The following CNTN4 variants were observed in gnomAD, a reference collection of about 807,000 sequenced individuals.
CNTN4 encodes contactin-4.
In CNTN4, 77 loss-of-function variants were observed where a neutral mutation model predicts 122.5. The observed-to-expected ratio is 0.63, with a 90% confidence interval of 0.52 to 0.76. The LOEUF is 0.76. Among genes scored for constraint, CNTN4 ranks in the 30% least tolerant of loss-of-function variants. The pLI is 0.00. For missense variants in CNTN4, 1,256 were observed against 1,259.1 expected (o/e 1.00, Z 0.04); for synonymous variants, 512 against 447.0 (o/e 1.15, Z -1.83).
At chr3:2,908,377 A>C (rs1027695256) in intron 12 of CNTN4, among the ~76,000 whole-genome samples, 3 of 152,196 alleles carry the variant, frequency 2.0e-5, no homozygotes, top group African/African-American at 7.2e-5. Context: ...TTGGGTAAAT[A>C]TAGAGGATAG....
At chr3:2,296,315 G>C (rs533063872) in intron 2 of CNTN4, among the ~76,000 whole-genome samples, 67 of 152,242 alleles carry the variant, frequency 4.4e-4, no homozygotes, top group African/African-American at 1.6e-3. Flanking sequence ...CATGAGCATG[G>C]AATGTTCTTC....
At position 2,134,481 on chromosome 3, in the gene CNTN4, A is replaced by G. The variant is rs6789551; in HGVS notation, c.-145+33842A>G. On this transcript the variant is annotated intron_variant, in intron 2 of 24. Coordinates refer to ENST00000418658, the MANE Select transcript of CNTN4 (RefSeq NM_175607.3). ...ATCCTTCATTTAGGGAGACATGAGT[A>G]TTGTGAATGATGGTGTAATCACTGC... Among the ~76,000 whole-genome samples the G allele has an allele frequency of 2.2e-3, 338 of 152,310 alleles. 2 individuals carry two copies. In the Middle Eastern group the frequency reaches 0.031, roughly 14 times the overall value.
At chr3:2,160,652 G>A (rs2035924611) in intron 2 of CNTN4, among the ~76,000 whole-genome samples, 1 of 152,126 alleles carries the variant, frequency 6.6e-6, no homozygotes, top group Non-Finnish European at 1.5e-5. Context: ...CTATGTTTGT[G>A]TCATCACACA....
At chr3:2,702,728 A>G (rs1271401700) in intron 4 of CNTN4, among the ~76,000 whole-genome samples, 1 of 150,656 alleles carries the variant, frequency 6.6e-6, no homozygotes, top group Admixed American at 6.6e-5. Context: ...GCTGAAGCAC[A>G]TGGTGCATAT....
chr3:2,391,323 G>C (rs1286712970), intron 3 of CNTN4, among the ~76,000 whole-genome samples: 1 of 152,176 alleles, frequency 6.6e-6, no homozygotes, highest in Non-Finnish European at 1.5e-5. Context: ...CCTGTTCTCT[G>C]ATTAAATCCA....
chr3:2,738,631 A>G (rs1471190922), intron 5 of CNTN4, among the ~76,000 whole-genome samples: 1 of 152,224 alleles, frequency 6.6e-6, no homozygotes, highest in Non-Finnish European at 1.5e-5. Context: ...TCTTGTGAAG[A>G]TAAAAAGAAA....
intron 4 of CNTN4, among the ~76,000 whole-genome samples, chr3:2,657,997 G>A (rs942967429): frequency 4.0e-5 from 6 of 149,100 alleles, no homozygotes; most frequent in African/African-American, 7.5e-5. Context: ...CCCATACAGA[G>A]GAAAGGATTA....
chr3:2,189,170 T>C (rs907575862), intron 2 of CNTN4, among the ~76,000 whole-genome samples: 2 of 152,192 alleles, frequency 1.3e-5, no homozygotes, highest in Non-Finnish European at 2.9e-5. Flanking sequence ...CAAATGCTTA[T>C]TGACATCCAG....
intron 3 of CNTN4, among the ~76,000 whole-genome samples, chr3:2,438,122 T>C (rs2048317881): frequency 6.6e-6 from 1 of 152,266 alleles, no homozygotes; most frequent in Non-Finnish European, 1.5e-5. Context: ...ATAGACTTTC[T>C]ACTCTTTCTT....
chr3:2,771,531 C>G (rs553656138), intron 6 of CNTN4, among the ~76,000 whole-genome samples: 138 of 152,238 alleles, frequency 9.1e-4, no homozygotes, highest in African/African-American at 2.9e-3. Flanking sequence ...GTTTCATTCT[C>G]TGTATAATGG....
chr3:2,540,069 T>TTGTGTGTG (rs35310430), intron 3 of CNTN4, among the ~76,000 whole-genome samples: 96 of 149,062 alleles, frequency 6.4e-4, no homozygotes, highest in African/African-American at 2.3e-3. Context: ...TTCATCAGTG[T>TTGTGTGTG]TGTGTGTGTG....
chr3:2,344,760 C>T (rs1297690827), intron 3 of CNTN4, among the ~76,000 whole-genome samples: 1 of 152,104 alleles, frequency 6.6e-6, no homozygotes, highest in East Asian at 1.9e-4. Context: ...ATATCATGAA[C>T]CTACTGTGGT....
intron 2 of CNTN4, among the ~76,000 whole-genome samples, chr3:2,279,928 T>TTAGATATATCTTGCTCTAGATATATATC (rs1198867990): frequency 1.0e-4 from 15 of 150,690 alleles, no homozygotes; most frequent in African/African-American, 3.6e-4. Flanking sequence ...CTATATATAT[T>TTAGATATATCTTGCTCTAGATATATATC]TAGATATATC....
chr3:2,818,978 TG>T (rs2092803601), intron 6 of CNTN4, among the ~76,000 whole-genome samples: 1 of 152,226 alleles, frequency 6.6e-6, no homozygotes. Flanking sequence ...TAGAATGGTT[TG>T]TGAAGTGAAC....
intron 7 of CNTN4, among the ~76,000 whole-genome samples, chr3:2,862,738 T>C (rs1010082997): frequency 6.6e-6 from 1 of 151,814 alleles, no homozygotes; most frequent in African/African-American, 2.4e-5. Context: ...CTTTTGCGAG[T>C]TGCAGCACAG....
intron 3 of CNTN4, among the ~76,000 whole-genome samples, chr3:2,396,656 G>GTTTTTTTTTTTTTTTTTT (rs752074730): frequency 1.4e-5 from 2 of 145,104 alleles, no homozygotes; most frequent in Non-Finnish European, 3.0e-5. Context: ...TTATGTCTGG[G>GTTTTTTTTTTTTTTTTTT]TTTTTTTTTT....
chr3:2,816,067 C>G (rs1186743620), intron 6 of CNTN4, among the ~76,000 whole-genome samples: 1 of 151,682 alleles, frequency 6.6e-6, no homozygotes, highest in Admixed American at 6.6e-5. Flanking sequence ...AAAAATGATA[C>G]AATGAGGCCG....
chr3:2,628,362 C>G lies in CNTN4; in HGVS notation c.55+56804C>G, dbSNP rs115197829. ...GAGGCCGTAGCTGTGTGTGTGTGAG[C>G]TGGAGTAGGACACCTTAAGGGAAAT... On this transcript the variant is annotated intron_variant, in intron 4 of 24. Coordinates refer to ENST00000418658, the MANE Select transcript of CNTN4 (RefSeq NM_175607.3). Among the ~76,000 whole-genome samples the G allele has an allele frequency of 5.9e-3, 901 of 152,280 alleles. 3 individuals carry two copies. Among genetic ancestry groups the G allele is most frequent in the African/African-American group, 0.02 (841 of 41,552 alleles).
intron 14 of CNTN4, among the ~76,000 whole-genome samples, chr3:3,005,917 A>G (rs1307583237): frequency 2.2e-5 from 3 of 135,680 alleles, no homozygotes; most frequent in Admixed American, 8.1e-5. Context: ...ACGGATTCTC[A>G]CTGTGTCGCC....
Sources: gnomAD v4.1 joint callset for allele counts (sites outside exome capture counted in the v4.1 genomes callset) on GRCh38, gnomAD v4.1.1 for gene constraint, MANE v1.5 for transcripts, NCBI Gene and HGNC (gene_info 2026-07-23, HGNC 2026-07-21) for gene names.